Variants in PTPRM observed in about 807,000 individuals in gnomAD.
PTPRM encodes protein tyrosine phosphatase receptor type M, also known as receptor-type tyrosine-protein phosphatase mu.
In PTPRM, 47 loss-of-function variants were observed where a neutral mutation model predicts 186.7. The observed-to-expected ratio is 0.25, with a 90% CI of 0.20 to 0.32. PTPRM has a LOEUF of 0.32. PTPRM is among the 10% of genes least tolerant of loss of function. The pLI, the probability that PTPRM is intolerant of heterozygous loss-of-function variation, is 1.00. For synonymous variants in PTPRM, 668 were observed against 674.9 expected, an observed-to-expected ratio of 0.99 and a Z score of 0.16; for missense variants, 1,494 against 1,865.0, an observed-to-expected ratio of 0.80 and a Z score of 3.66.
At chr18:8,277,929 A>G (rs1158021431) in intron 19 of PTPRM, among the ~76,000 whole-genome samples, 1 of 152,246 alleles carries the variant, frequency 6.6e-6, no homozygotes, top group Non-Finnish European at 1.5e-5. Flanking sequence ...ACACATGAGT[A>G]GGGAGAGAAG....
intron 1 of PTPRM, among the ~76,000 whole-genome samples, chr18:7,592,802 G>A (rs1243312914): frequency 6.6e-6 from 1 of 152,212 alleles, no homozygotes; most frequent in Middle Eastern, 3.2e-3. Context: ...AAAGGCAGGT[G>A]TGTGTGTGCA....
chr18:7,745,168 A>G (rs1383520746), intron 1 of PTPRM, among the ~76,000 whole-genome samples: 1 of 152,194 alleles, frequency 6.6e-6, no homozygotes, highest in African/African-American at 2.4e-5. Context: ...GTTAAATAAG[A>G]TAATGGAAAT....
rs776801150 is a variant in PTPRM at position 8,244,072 on chromosome 18, A to G, written c.2315A>G (p.Lys772Arg). The change falls in exon 15 of 33, where the codon AAG becomes AGG. Residue 772 changes from lysine to arginine, a missense_variant. Physicochemically the swap from Lys to Arg is conservative, Grantham distance 26. Transcript: ENST00000580170. ...TTTATCCTAAGGAAACTGGCCAAGA[A>G]GCGGAAAGAGACCATGAGCAGCACC... ...LVMKKRKLAK[K>R]RKETMSSTRQ... 2 of 1,609,142 alleles carry G rather than the reference A, an allele frequency of 1.2e-6. No homozygotes were observed. Among genetic ancestry groups the G allele is most frequent in the Non-Finnish European group, 1.7e-6 (2 of 1,178,586 alleles).
intron 32 of PTPRM, among the ~76,000 whole-genome samples, chr18:8,397,770 C>T (rs1471928390): frequency 6.6e-6 from 1 of 152,194 alleles, no homozygotes. Flanking sequence ...TGGCAGCTCC[C>T]CTCTCACTTT....
intron 2 of PTPRM, among the ~76,000 whole-genome samples, chr18:7,883,990 A>T (rs2048636686): frequency 1.5e-5 from 2 of 130,746 alleles, no homozygotes; most frequent in Non-Finnish European, 3.3e-5. Flanking sequence ...AATAAAAAAT[A>T]AAAAAAATTA....
chr18:7,679,523 G>A (rs1305261058), intron 1 of PTPRM, among the ~76,000 whole-genome samples: 2 of 152,126 alleles, frequency 1.3e-5, no homozygotes, highest in Non-Finnish European at 2.9e-5. Flanking sequence ...AAATTAGCTG[G>A]CTATGGTGGC....
chr18:8,069,711 A>G lies in PTPRM; in HGVS notation c.1158A>G (p.Leu386=), dbSNP rs758619905. 3 of 1,613,384 alleles carry G rather than the reference A, an allele frequency of 1.9e-6. No individual in the cohort carries two copies. Among genetic ancestry groups the G allele is most frequent in the Admixed American group, 1.7e-5 (1 of 60,006 alleles). Residue 386 remains leucine (L), a synonymous_variant, in exon 8 of 33, where the codon CTA becomes CTG. Coordinates refer to ENST00000580170, the MANE Select transcript of PTPRM (RefSeq NM_001105244.2). ...CADPMRGPRK[L]EVVEVKSRQI... Reference sequence around the variant, plus strand: ...ATCCCATGCGAGGCCCAAGAAAACTAGAAGTAGTGGAGGTCAAATCTCGGC... The same window carrying G: ...ATCCCATGCGAGGCCCAAGAAAACTGGAAGTAGTGGAGGTCAAATCTCGGC...
At position 8,114,772 on chromosome 18, in the gene PTPRM, C is replaced by A; in HGVS notation, c.2131-19C>A. Reference sequence around the variant, plus strand: ...AGAAAACATGAATAATGATTTTTCCCTCTCTTTATTTGACACAGGAAACCA... The same window carrying A: ...AGAAAACATGAATAATGATTTTTCCATCTCTTTATTTGACACAGGAAACCA... On this transcript the variant is annotated intron_variant, in intron 12 of 32. Transcript: ENST00000580170. 1.9e-6 allele frequency: 3 copies of A among 1,590,816 alleles called. No individual in the cohort carries two copies. Among genetic ancestry groups the A allele is most frequent in the South Asian group, 1.1e-5 (1 of 87,938 alleles).
At chr18:7,927,582 T>TC (rs1029091580) in intron 5 of PTPRM, among the ~76,000 whole-genome samples, 1 of 152,138 alleles carries the variant, frequency 6.6e-6, no homozygotes, top group African/African-American at 2.4e-5. Flanking sequence ...CACACTGGCT[T>TC]CCGCTCCATC....
chr18:8,036,809 G>A (rs2086363037), intron 7 of PTPRM, among the ~76,000 whole-genome samples: 1 of 152,036 alleles, frequency 6.6e-6, no homozygotes, highest in African/African-American at 2.4e-5. Flanking sequence ...ATGTAATGTG[G>A]GTATATCCAA....
At chr18:8,315,514 G>T (rs998684287) in intron 21 of PTPRM, among the ~76,000 whole-genome samples, 5 of 152,186 alleles carry the variant, frequency 3.3e-5, no homozygotes, top group African/African-American at 1.2e-4. Context: ...TCAGTTGAAA[G>T]AATGAATGAA....
intron 1 of PTPRM, among the ~76,000 whole-genome samples, chr18:7,573,303 A>G (rs1225882504): frequency 1.3e-5 from 2 of 152,174 alleles, no homozygotes; most frequent in Non-Finnish European, 2.9e-5. Context: ...GTGCAGGTAG[A>G]TCACAGTGAC....
Position 8,160,154 on chromosome 18 carries a change from G to A in PTPRM, c.2300+16375G>A. Among the ~76,000 whole-genome samples the A allele has an allele frequency of 1.3e-5, 2 of 152,162 alleles. 1 individual carries two copies. Among genetic ancestry groups the A allele is most frequent in the Admixed American group, 1.3e-4 (2 of 15,282 alleles). On this transcript the variant is annotated intron_variant, in intron 14 of 32. Transcript: ENST00000580170. ...CTTTGAAATATTTTTTATAAATCGT[G>A]TATTCCATTGCATTTTTATAACCAA... is the stretch of plus-strand genomic sequence containing the variant.
At chr18:7,855,568 T>A (rs2047057686) in intron 2 of PTPRM, among the ~76,000 whole-genome samples, 1 of 152,212 alleles carries the variant, frequency 6.6e-6, no homozygotes, top group Non-Finnish European at 1.5e-5. Context: ...CTACTAAATC[T>A]TAATTCTTCA....
chr18:7,736,732 C>T (rs2040778336), intron 1 of PTPRM, among the ~76,000 whole-genome samples: 1 of 152,176 alleles, frequency 6.6e-6, no homozygotes, highest in South Asian at 2.1e-4. Flanking sequence ...TTCTTCTATA[C>T]AATGTCTGGA....
intron 22 of PTPRM, among the ~76,000 whole-genome samples, chr18:8,340,228 A>G (rs1200632045): frequency 6.6e-6 from 1 of 152,178 alleles, no homozygotes; most frequent in Non-Finnish European, 1.5e-5. Context: ...CTGCAGGGAG[A>G]TGTCTCTGCC....
chr18:8,069,318 G>C (rs755840738), intron 7 of PTPRM, among the ~76,000 whole-genome samples: 1 of 152,116 alleles, frequency 6.6e-6, no homozygotes, highest in Non-Finnish European at 1.5e-5. Context: ...AGTGTCTCAT[G>C]GTTCACCATG....
intron 7 of PTPRM, among the ~76,000 whole-genome samples, chr18:8,066,175 G>A (rs1027774114): frequency 1.3e-5 from 2 of 152,150 alleles, no homozygotes; most frequent in Non-Finnish European, 2.9e-5. Flanking sequence ...ATTGAAATCA[G>A]GCAATTTGCT....
intron 2 of PTPRM, among the ~76,000 whole-genome samples, chr18:7,849,784 A>C (rs990551397): frequency 5.3e-5 from 8 of 152,232 alleles, no homozygotes; most frequent in Non-Finnish European, 1.2e-4. Context: ...AGAACAACAT[A>C]TGAGAGGGGG....
Sources: allele counts gnomAD v4.1 joint callset (sites outside exome capture counted in the v4.1 genomes callset), GRCh38; gene constraint gnomAD v4.1.1; transcripts MANE v1.5; gene names NCBI Gene and HGNC (gene_info 2026-07-23, HGNC 2026-07-21).